IQANK1: variants seen among roughly 807,000 people sequenced by gnomAD.
IQANK1 encodes IQ motif and ankyrin repeat containing 1.
A neutral mutation model predicts 22.6 loss-of-function variants in IQANK1; 30 were observed. The observed-to-expected ratio is 1.33, with a 90% CI of 0.99 to 1.80. The LOEUF (loss-of-function observed/expected upper bound fraction) is 1.80, where lower values mean the gene tolerates loss of function less well. Ranked by LOEUF, IQANK1 falls within the 40% of genes most tolerant of loss-of-function variation. IQANK1 has a pLI of 0.00. For synonymous variants in IQANK1, 122 were observed against 99.6 expected (o/e 1.23, Z -1.34); for missense variants, 275 against 235.2 (o/e 1.17, Z -1.11).
At position 143,757,972 on chromosome 8, in the gene IQANK1, A is replaced by T. The variant is rs543811531; in HGVS notation, c.176-13516A>T. Among the ~76,000 whole-genome samples, 119 of 152,316 alleles carry T rather than the reference A, an allele frequency of 7.8e-4. 1 individual carries two copies. The highest frequency in any genetic ancestry group is 2.8e-3 in the African/African-American group (115 of 41,570). On this transcript the variant is annotated intron_variant, in intron 3 of 13. Transcript: ENST00000527139. Reference sequence around the variant, plus strand: ...TACTCTGTGTTCATTTAGTCCAATCAGGATAAATTCACCAATATAGTGTAT... The same window carrying T: ...TACTCTGTGTTCATTTAGTCCAATCTGGATAAATTCACCAATATAGTGTAT...
In IQANK1 at chr8:143,774,084, G is replaced by C. The variant is rs1294315056; in HGVS notation, c.789+1602G>C. Among the ~76,000 whole-genome samples, 1 of 151,496 alleles carries C rather than the reference G, an allele frequency of 6.6e-6. No individual in the cohort carries two copies. The highest frequency in any genetic ancestry group is 1.5e-5 in the Non-Finnish European group (1 of 67,940). ...TGGATTATAGATTTAAATGTAAAGG[G>C]TAAAATTACAAAACTTTTAGAACAC... On this transcript the variant is annotated intron_variant, in intron 7 of 13. Coordinates refer to ENST00000527139, the MANE Select transcript of IQANK1 (RefSeq NM_001381874.1). The surrounding 1 kb of genome is among the most constrained non-coding windows in gnomAD (Gnocchi z 4.2).
chr8:143,740,595 C>T (rs1818881867), intron 3 of IQANK1, among the ~76,000 whole-genome samples: 1 of 152,250 alleles, frequency 6.6e-6, no homozygotes, highest in South Asian at 2.1e-4. Context: ...TCCGCCTGCT[C>T]TTCCCTGGGC....
chr8:143,751,660 G>GTATATATATA (rs1440239363), intron 3 of IQANK1, among the ~76,000 whole-genome samples: 27 of 44,026 alleles, frequency 6.1e-4, no homozygotes, highest in African/African-American at 1.2e-3. Flanking sequence ...GTGTGTGTGT[G>GTATATATATA]TGTGTATATA....
chr8:143,757,253 C>A (rs575957264), intron 3 of IQANK1, among the ~76,000 whole-genome samples: 1 of 152,288 alleles, frequency 6.6e-6, no homozygotes, highest in African/African-American at 2.4e-5. Flanking sequence ...TTGCAGGGCT[C>A]CAGGGTCGCC....
chr8:143,747,479 T>C (rs566212801), intron 3 of IQANK1, among the ~76,000 whole-genome samples: 69 of 152,332 alleles, frequency 4.5e-4, no homozygotes, highest in African/African-American at 1.1e-3. Context: ...TGAAATCTTA[T>C]GTATTAGTTT....
chr8:143,753,541 C>T (rs1284847469), intron 3 of IQANK1, among the ~76,000 whole-genome samples: 2 of 150,434 alleles, frequency 1.3e-5, no homozygotes, highest in Non-Finnish European at 3.0e-5. Flanking sequence ...GCAACCTCTG[C>T]CTCCCGGTTT....
rs1818692514 is a variant in IQANK1, at chr8:143,735,026, G to A, written c.-5+807G>A. On this transcript the variant is annotated intron_variant, in intron 1 of 13. Transcript: ENST00000527139. The surrounding 1 kb of genome is among the most constrained non-coding windows in gnomAD (Gnocchi z 5.2). Reference sequence around the variant, plus strand: ...GACTGGCCCTGCCTCAACCCTTTCTGATGGTCATCAGTCGCCTTTCTCTTT... The same window carrying A: ...GACTGGCCCTGCCTCAACCCTTTCTAATGGTCATCAGTCGCCTTTCTCTTT... Among the ~76,000 whole-genome samples, 2 of 152,288 alleles carry A rather than the reference G, an allele frequency of 1.3e-5. No homozygotes were observed. The highest frequency in any genetic ancestry group is 4.8e-5 in the African/African-American group (2 of 41,556).
At chr8:143,788,047 C>T (rs782143461) in intron 7 of IQANK1, among the ~76,000 whole-genome samples, 38 of 152,300 alleles carry the variant, frequency 2.5e-4, no homozygotes, top group Non-Finnish European at 5.1e-4. Context: ...TGAGAGTCTC[C>T]CTGCCCCACC....
chr8:143,735,384 G>C lies in IQANK1; in HGVS notation c.-4-466G>C, dbSNP rs1466870385. Among the ~76,000 whole-genome samples the C allele has an allele frequency of 6.6e-6, 1 of 152,202 alleles. No homozygotes were observed. Among genetic ancestry groups the C allele is most frequent in the Non-Finnish European group, 1.5e-5 (1 of 68,032 alleles). ...ACATAAGGTCTGAGGGTGTGGAGGG[G>C]TGAGTGCCTTGGGTGGGCTGGGGAG... On this transcript the variant is annotated intron_variant, in intron 1 of 13. Transcript: ENST00000527139. The surrounding 1 kb of genome is among the most constrained non-coding windows in gnomAD (Gnocchi z 5.2).
chr8:143,741,795 G>A (rs782378074), intron 3 of IQANK1: 3 of 154,092 alleles, frequency 1.9e-5, no homozygotes, highest in African/African-American at 7.2e-5. Context: ...TTTTGCACTC[G>A]AGGCTATTCC....
intron 3 of IQANK1, among the ~76,000 whole-genome samples, chr8:143,748,398 T>G (rs1480457437): frequency 6.7e-6 from 1 of 148,434 alleles, no homozygotes; most frequent in East Asian, 1.9e-4. Context: ...ATTTCTCCCT[T>G]CAGTCCATTG....
chr8:143,751,664 G>GTGTGTATATATATA (rs370428606), intron 3 of IQANK1, among the ~76,000 whole-genome samples: 3 of 61,550 alleles, frequency 4.9e-5, no homozygotes, highest in African/African-American at 1.3e-4. Flanking sequence ...GTGTGTGTGT[G>GTGTGTATATATATA]TATATATATA....
chr8:143,734,514 G>A (rs1554625345), intron 1 of IQANK1, among the ~76,000 whole-genome samples: 1 of 149,000 alleles, frequency 6.7e-6, no homozygotes, highest in Non-Finnish European at 1.5e-5. Flanking sequence ...CGAATGACCT[G>A]TGCCTCATGT....
At chr8:143,738,030 C>G (rs1554625919) in intron 2 of IQANK1, among the ~76,000 whole-genome samples, 1 of 152,188 alleles carries the variant, frequency 6.6e-6, no homozygotes, top group African/African-American at 2.4e-5. Context: ...TGTGGCTGCT[C>G]TGGCCTGGCC....
Position 143,789,996 on chromosome 8 carries a change from G to A in IQANK1, c.1221G>A (p.Lys407=), listed in dbSNP as rs1554632019. ...QEGEEEAPGL[K]CQVTELHDVL... Reference sequence around the variant, plus strand: ...GGGAGGAAGAGGCGCCTGGGCTGAAGTGCCAGGTCACCGAGCTGCACGATG... The same window carrying A: ...GGGAGGAAGAGGCGCCTGGGCTGAAATGCCAGGTCACCGAGCTGCACGATG... Residue 407 remains lysine, a synonymous_variant, in exon 12 of 14, where the codon AAG becomes AAA. Coordinates refer to ENST00000527139, the MANE Select transcript of IQANK1 (RefSeq NM_001381874.1). 7.3e-6 allele frequency: 9 copies of A among 1,232,078 alleles called. No individual in the cohort carries two copies. Among genetic ancestry groups the A allele is most frequent in the East Asian group, 3.2e-5 (1 of 31,710 alleles). 76.3% of individuals were successfully genotyped at this position (1,232,078 alleles called of 1,614,324 possible).
At chr8:143,768,268 T>C (rs1319114421) in intron 3 of IQANK1, among the ~76,000 whole-genome samples, 2 of 152,078 alleles carry the variant, frequency 1.3e-5, no homozygotes, top group African/African-American at 4.8e-5. Flanking sequence ...GGGCTTACGG[T>C]GCGGGAACGT....
intron 3 of IQANK1, among the ~76,000 whole-genome samples, chr8:143,751,652 G>GTATATATATATATA (rs1282292064): frequency 1.5e-4 from 5 of 33,344 alleles, no homozygotes; most frequent in Non-Finnish European, 2.9e-4. Flanking sequence ...GTGTGTGTGT[G>GTATATATATATATA]TGTGTGTGTG....
intron 9 of IQANK1, 55 bp from the exon 10 acceptor site, chr8:143,789,381 C>T: frequency 1.0e-6 from 1 of 1,001,960 alleles, no homozygotes; most frequent in Non-Finnish European, 1.3e-6. Flanking sequence ...CCAGGAGTGA[C>T]CTGGTCGGAG....
chr8:143,789,765 T>A lies in IQANK1; in HGVS notation c.1091T>A (p.Ile364Asn), dbSNP rs1196072906. ...MDKTKLTLQA[I>N]KDTEAQVDRL... The stretch of plus-strand genomic sequence containing the variant: ...CAGTGTGGCCTCCTCCTCCAGGCCA[T>A]CAAGGACACAGAGGCCCAGGTGGAC... Residue 364 changes from isoleucine (I) to asparagine (N), a missense_variant, in exon 11 of 14, where the codon ATC (isoleucine) becomes AAC (asparagine). By Grantham distance (149) the Ile-to-Asn change is moderately radical (BLOSUM62 -3). Transcript: ENST00000527139. 8.1e-7 allele frequency: 1 copy of A among 1,231,842 alleles called. No homozygotes were observed. Among genetic ancestry groups the A allele is most frequent in the African/African-American group, 1.6e-5 (1 of 64,408 alleles). 76.3% of individuals were successfully genotyped at this position (1,231,842 alleles called of 1,614,324 possible). A position where few individuals can be genotyped will look rare whatever the true frequency, so the allele number is the denominator to read the frequency against.
Sources: allele counts gnomAD v4.1 joint callset (sites outside exome capture counted in the v4.1 genomes callset), GRCh38; gene constraint gnomAD v4.1.1; non-coding constraint Gnocchi (gnomAD v3.1); transcripts MANE v1.5; gene names NCBI Gene and HGNC (gene_info 2026-07-23, HGNC 2026-07-21).